Variants in MAML3 observed in about 807,000 individuals in gnomAD.
MAML3 encodes the protein mastermind like transcriptional coactivator 3.
A neutral mutation model predicts 101.9 loss-of-function variants in MAML3; 27 were observed. That is an observed-to-expected ratio of 0.27 (90% CI 0.20 to 0.37). The LOEUF (loss-of-function observed/expected upper bound fraction) is 0.37, where lower values mean the gene tolerates loss of function less well. Ranked by LOEUF, MAML3 falls within the 10% of genes least tolerant of loss-of-function variation. The probability of loss-of-function intolerance (pLI) is 1.00; values close to 1 mark genes in which losing one functional copy is unlikely to be tolerated. For synonymous variants in MAML3, 501 were observed against 555.9 expected, an observed-to-expected ratio of 0.90 and a Z score of 1.39; for missense variants, 1,316 against 1,444.9, an observed-to-expected ratio of 0.91 and a Z score of 1.45.
chr4:140,093,524 C>G (rs1005046847), intron 1 of MAML3, among the ~76,000 whole-genome samples: 2 of 150,248 alleles, frequency 1.3e-5, no homozygotes, highest in Non-Finnish European at 2.9e-5. Context: ...TCATGCCATT[C>G]TCCTGCCTCA....
intron 1 of MAML3, among the ~76,000 whole-genome samples, chr4:140,017,896 G>A (rs190303602): frequency 2.6e-5 from 4 of 151,874 alleles, no homozygotes; most frequent in East Asian, 1.9e-4. Flanking sequence ...CTGTATTATA[G>A]TTTTTTAAAA....
intron 1 of MAML3, among the ~76,000 whole-genome samples, chr4:140,082,375 C>T (rs554562482): frequency 6.6e-6 from 1 of 152,324 alleles, no homozygotes; most frequent in African/African-American, 2.4e-5. Flanking sequence ...ACCACACAGA[C>T]ACACTGGCCA....
At chr4:139,928,287 T>A (rs1733307191) in intron 1 of MAML3, among the ~76,000 whole-genome samples, 1 of 152,238 alleles carries the variant, frequency 6.6e-6, no homozygotes, top group Non-Finnish European at 1.5e-5. Flanking sequence ...AATGGATTTA[T>A]TCATTTAGAA....
At chr4:139,769,967 C>T (rs1036852584) in intron 2 of MAML3, among the ~76,000 whole-genome samples, 3 of 147,286 alleles carry the variant, frequency 2.0e-5, no homozygotes, top group Admixed American at 6.9e-5. Context: ...TTGCCCAGTC[C>T]GGAGTGCAGT....
intron 1 of MAML3, among the ~76,000 whole-genome samples, chr4:140,140,935 C>T (rs1025085122): frequency 6.6e-6 from 1 of 152,152 alleles, no homozygotes; most frequent in African/African-American, 2.4e-5. Flanking sequence ...CCAGCACTAC[C>T]ATGTCCCTGA....
chr4:139,754,916 G>A (rs73854342), intron 2 of MAML3, among the ~76,000 whole-genome samples: 2,052 of 152,308 alleles, frequency 0.013, 31 homozygotes, highest in Middle Eastern at 0.051. Context: ...TCTGCCCAAA[G>A]TCCCAGGAGC....
At position 139,785,646 on chromosome 4, in the gene MAML3, C is replaced by T. The variant is rs544355086; in HGVS notation, c.2080-54979G>A. Among the ~76,000 whole-genome samples, 2 of 152,234 alleles carry T rather than the reference C, an allele frequency of 1.3e-5. No homozygotes were observed. The highest frequency in any genetic ancestry group is 6.5e-5 in the Admixed American group (1 of 15,288). On this transcript the variant is annotated intron_variant, in intron 2 of 4. Coordinates refer to ENST00000509479, the MANE Select transcript of MAML3 (RefSeq NM_018717.5). The surrounding 1 kb of genome is among the most constrained non-coding windows in gnomAD (Gnocchi z 4.3). ...TGGGGCACTGCATGGAGAGATCTGT[C>T]CCTTCATTCACATATCTCTGCACTA...
rs372374826 is a variant in MAML3, at chr4:140,053,660, TAA to T, written c.468+99198_468+99199del. On this transcript the variant is annotated intron_variant, in intron 1 of 4. Transcript: ENST00000509479. ...AGGGGCCAGCAAATCTTTTTTTCTG[TAA>T]AGAGCCATTTAGTAAATATTTTAGG... Among the ~76,000 whole-genome samples the T allele has an allele frequency of 9.2e-5, 14 of 152,332 alleles. No homozygotes were observed. In the East Asian group the frequency reaches 2.1e-3, roughly 23 times the overall value.
At chr4:140,062,128 A>G (rs1727457559) in intron 1 of MAML3, among the ~76,000 whole-genome samples, 1 of 152,218 alleles carries the variant, frequency 6.6e-6, no homozygotes, top group African/African-American at 2.4e-5. Flanking sequence ...GTGGACAGCA[A>G]TCTCTCTTCT....
chr4:139,819,957 C>T (rs1370656694), intron 2 of MAML3, among the ~76,000 whole-genome samples: 1 of 152,194 alleles, frequency 6.6e-6, no homozygotes, highest in Non-Finnish European at 1.5e-5. Flanking sequence ...CTTGGGCTTT[C>T]TCATTCAGGC....
At position 139,913,436 on chromosome 4, in the gene MAML3, T is replaced by C. The variant is rs556516738; in HGVS notation, c.469-22469A>G. Among the ~76,000 whole-genome samples, 73 of 152,358 alleles carry C rather than the reference T, an allele frequency of 4.8e-4. 1 individual carries two copies. Among genetic ancestry groups the C allele is most frequent in the African/African-American group, 1.7e-3 (71 of 41,588 alleles). ...GTCTGCTTTTTCCTTTTTCTGACTT[T>C]GGTCTTTGTCCTAAGTGCCAATGAT... On this transcript the variant is annotated intron_variant, in intron 1 of 4. Coordinates refer to ENST00000509479, the MANE Select transcript of MAML3 (RefSeq NM_018717.5).
intron 2 of MAML3, among the ~76,000 whole-genome samples, chr4:139,846,922 A>G (rs1226397557): frequency 6.6e-6 from 1 of 152,000 alleles, no homozygotes; most frequent in Non-Finnish European, 1.5e-5. Flanking sequence ...GGTGGGGAAA[A>G]CCCCAAAAGT....
chr4:139,967,181 C>T (rs1734148710), intron 1 of MAML3, among the ~76,000 whole-genome samples: 1 of 152,000 alleles, frequency 6.6e-6, no homozygotes, highest in Non-Finnish European at 1.5e-5. Flanking sequence ...TTGGGAATTT[C>T]TCACTGCTAA....
chr4:139,944,334 C>G (rs1469419679), intron 1 of MAML3, among the ~76,000 whole-genome samples: 1 of 152,156 alleles, frequency 6.6e-6, no homozygotes, highest in East Asian at 1.9e-4. Context: ...CCCCCTTCCC[C>G]CCATCCCACC....
Position 140,012,011 on chromosome 4 carries a change from CA to C in MAML3, c.469-121045del, listed in dbSNP as rs879862503. Among the ~76,000 whole-genome samples the C allele has an allele frequency of 7.6e-3, 1,007 of 133,232 alleles. 5 individuals carry two copies. The highest frequency in any genetic ancestry group is 0.019 in the Middle Eastern group (5 of 264). 87.4% of individuals were successfully genotyped at this position (133,232 alleles called of 152,430 possible). ...TACATTACAGAAGTGATCTAAATCT[CA>C]AAAAAAAAAAAAGTCTACAGATGTT... On this transcript the variant is annotated intron_variant, in intron 1 of 4. Coordinates refer to ENST00000509479, the MANE Select transcript of MAML3 (RefSeq NM_018717.5).
At chr4:140,034,030 G>A (rs1245521491) in intron 1 of MAML3, among the ~76,000 whole-genome samples, 3 of 152,124 alleles carry the variant, frequency 2.0e-5, no homozygotes, top group African/African-American at 7.2e-5. Context: ...TCACAGTGTG[G>A]ACCAATAATA....
chr4:140,082,586 A>T (rs1483749804), intron 1 of MAML3, among the ~76,000 whole-genome samples: 1 of 152,044 alleles, frequency 6.6e-6, no homozygotes, highest in Non-Finnish European at 1.5e-5. Context: ...TGGCCTTTGC[A>T]GTCCCCAGCA....
intron 2 of MAML3, among the ~76,000 whole-genome samples, chr4:139,771,721 C>A (rs1422346640): frequency 1.3e-5 from 2 of 152,096 alleles, no homozygotes; most frequent in African/African-American, 4.8e-5. Flanking sequence ...CAGCCTAGGA[C>A]AGAGTTTCTT....
intron 2 of MAML3, among the ~76,000 whole-genome samples, chr4:139,732,869 TAATAA>T (rs1258789266): frequency 6.6e-6 from 1 of 152,174 alleles, no homozygotes; most frequent in African/African-American, 2.4e-5. Context: ...TAGCTGAAAT[TAATAA>T]AATGTTTTGC....
Sources: allele counts gnomAD v4.1 joint callset (sites outside exome capture counted in the v4.1 genomes callset), GRCh38; gene constraint gnomAD v4.1.1; non-coding constraint Gnocchi (gnomAD v3.1); transcripts MANE v1.5; gene names NCBI Gene and HGNC (gene_info 2026-07-23, HGNC 2026-07-21).